The following PPARGC1A variants were observed in gnomAD, a reference collection of about 807,000 sequenced individuals.
PPARGC1A encodes the protein PPARG coactivator 1 alpha, also known as peroxisome proliferator-activated receptor gamma coactivator 1-alpha.
Under a neutral mutation model 88.7 loss-of-function variants are expected in PPARGC1A, and 25 were observed. The ratio of observed to expected loss-of-function variants is 0.28; its 90% CI spans 0.21 to 0.39. The LOEUF is 0.39. PPARGC1A is among the 10% of genes least tolerant of loss of function. PPARGC1A has a pLI of 1.00. For missense variants in PPARGC1A, 880 were observed against 968.7 expected (o/e 0.91, Z 1.22); for synonymous variants, 363 against 355.6 (o/e 1.02, Z -0.24).
chr4:23,839,153 A>T (rs890112086), intron 2 of PPARGC1A, among the ~76,000 whole-genome samples: 1 of 152,202 alleles, frequency 6.6e-6, no homozygotes, highest in Non-Finnish European at 1.5e-5. Flanking sequence ...CTTAGACTCC[A>T]TCCTTATTGA....
At chr4:23,802,503 C>T (rs1355229787) in intron 10 of PPARGC1A, among the ~76,000 whole-genome samples, 158 bp from the exon 11 acceptor site, 3 of 151,692 alleles carry the variant, frequency 2.0e-5, no homozygotes, top group African/African-American at 7.3e-5. Context: ...GATGGTGAAA[C>T]CCCATCTCTA....
chr4:23,898,994 C>A (rs935476153), intron 1 of PPARGC1A, among the ~76,000 whole-genome samples: 1 of 152,030 alleles, frequency 6.6e-6, no homozygotes, highest in African/African-American at 2.4e-5. Context: ...CACCACGACG[C>A]CCGGCTAATT....
At chr4:24,180,188 G>T in the PPARGC1A span, among the ~76,000 whole-genome samples, 1 of 152,034 alleles carries the variant, frequency 6.6e-6, no homozygotes, top group African/African-American at 2.4e-5. Flanking sequence ...CATTGAATTA[G>T]CCCAATATTC....
chr4:24,353,438 A>T, the PPARGC1A span, among the ~76,000 whole-genome samples: 1 of 151,556 alleles, frequency 6.6e-6, no homozygotes, highest in African/African-American at 2.4e-5. Flanking sequence ...TCAATGTTTT[A>T]TCAACTGAAG....
At chr4:24,165,910 G>A in the PPARGC1A span, among the ~76,000 whole-genome samples, 4 of 152,084 alleles carry the variant, frequency 2.6e-5, no homozygotes, top group Non-Finnish European at 2.9e-5. Flanking sequence ...AGAGATGCAC[G>A]TCTCTCACTT....
chr4:24,244,506 T>C, the PPARGC1A span, among the ~76,000 whole-genome samples: 1 of 152,170 alleles, frequency 6.6e-6, no homozygotes, highest in South Asian at 2.1e-4. Context: ...AGACAATAAG[T>C]GTTGGAACCA....
At chr4:24,228,657 GA>G in the PPARGC1A span, among the ~76,000 whole-genome samples, 1 of 151,142 alleles carries the variant, frequency 6.6e-6, no homozygotes, top group Non-Finnish European at 1.5e-5. Flanking sequence ...AAAAGCCAAG[GA>G]AAAAAAGAAA....
the PPARGC1A span, among the ~76,000 whole-genome samples, chr4:24,041,928 G>T: frequency 6.6e-6 from 1 of 151,056 alleles, no homozygotes; most frequent in Middle Eastern, 3.4e-3. Flanking sequence ...AAAAAAGAAA[G>T]AAAAGAAAGA....
At chr4:24,011,833 T>C in the PPARGC1A span, among the ~76,000 whole-genome samples, 1 of 152,220 alleles carries the variant, frequency 6.6e-6, no homozygotes, top group Non-Finnish European at 1.5e-5. Context: ...ATTGGTACAA[T>C]ACATAATTTA....
the PPARGC1A span, among the ~76,000 whole-genome samples, chr4:24,077,926 TA>T: frequency 6.6e-6 from 1 of 152,076 alleles, no homozygotes; most frequent in African/African-American, 2.4e-5. Context: ...TCTAGTTCAT[TA>T]ATTAATTTTA....
the PPARGC1A span, among the ~76,000 whole-genome samples, chr4:24,272,773 T>C: frequency 6.6e-6 from 1 of 152,172 alleles, no homozygotes; most frequent in Non-Finnish European, 1.5e-5. Context: ...TAAGGAACTG[T>C]CTGAAACCAC....
At chr4:24,365,226 T>C in the PPARGC1A span, among the ~76,000 whole-genome samples, 2 of 151,836 alleles carry the variant, frequency 1.3e-5, no homozygotes, top group Non-Finnish European at 2.9e-5. Flanking sequence ...ATAAAGCCTA[T>C]CATGAAAATA....
the PPARGC1A span, among the ~76,000 whole-genome samples, chr4:24,217,152 G>T: frequency 6.6e-6 from 1 of 152,114 alleles, no homozygotes; most frequent in Non-Finnish European, 1.5e-5. Context: ...TTGTCCCTTA[G>T]GTATTTTCTC....
the PPARGC1A span, among the ~76,000 whole-genome samples, chr4:24,017,402 T>C: frequency 6.6e-6 from 1 of 152,020 alleles, no homozygotes; most frequent in African/African-American, 2.4e-5. Context: ...AGGGTGAGTT[T>C]TGTTGGGAAA....
chr4:24,161,551 G>C, the PPARGC1A span, among the ~76,000 whole-genome samples: 1 of 152,104 alleles, frequency 6.6e-6, no homozygotes, highest in Admixed American at 6.6e-5. Flanking sequence ...CCTCATTCTT[G>C]GGGTTGTCAT....
chr4:24,339,208 GTGTGTATATA>G, the PPARGC1A span, among the ~76,000 whole-genome samples: 14 of 38,232 alleles, frequency 3.7e-4, no homozygotes, highest in East Asian at 7.6e-3. Flanking sequence ...GTGTGTGTGT[GTGTGTATATA>G]TATATATATA....
chr4:23,904,342 G>A (rs1238827062), upstream of PPARGC1A, among the ~76,000 whole-genome samples: 1 of 152,170 alleles, frequency 6.6e-6, no homozygotes, highest in African/African-American at 2.4e-5. Context: ...TAAAACCCTA[G>A]TTCAGAGGCA....
At chr4:23,832,885 C>G (rs1464245983) in intron 2 of PPARGC1A, among the ~76,000 whole-genome samples, 4 of 140,900 alleles carry the variant, frequency 2.8e-5, no homozygotes, top group Non-Finnish European at 6.5e-5. Context: ...GCTGGGATTA[C>G]CGGCGTGAGC....
At chr4:23,852,648 A>C (rs908837073) in intron 2 of PPARGC1A, among the ~76,000 whole-genome samples, 1 of 152,140 alleles carries the variant, frequency 6.6e-6, no homozygotes, top group Non-Finnish European at 1.5e-5. Context: ...TCTTCATAGA[A>C]ATCCTAAAGC....
Sources: allele counts gnomAD v4.1 joint callset (sites outside exome capture counted in the v4.1 genomes callset), GRCh38; gene constraint gnomAD v4.1.1; transcripts MANE v1.5; gene names NCBI Gene and HGNC (gene_info 2026-07-23, HGNC 2026-07-21).